CSMD1: variants seen among roughly 807,000 people sequenced by gnomAD.
The protein encoded by CSMD1 is CUB and sushi domain-containing protein 1.
A neutral mutation model predicts 417.5 loss-of-function variants in CSMD1; 213 were observed. The ratio of observed to expected loss-of-function variants is 0.51; its 90% CI spans 0.46 to 0.57. The LOEUF is 0.57. CSMD1 is among the 20% of genes least tolerant of loss of function. The pLI, the probability that CSMD1 is intolerant of heterozygous loss-of-function variation, is 0.00. For missense variants in CSMD1, 6,923 were observed against 4,529.7 expected, an observed-to-expected ratio of 1.53 and a Z score of -15.17; for synonymous variants, 2,862 against 1,736.8, an observed-to-expected ratio of 1.65 and a Z score of -16.11.
chr8:3,437,105 T>G (rs896747275), intron 12 of CSMD1, among the ~76,000 whole-genome samples: 7 of 152,158 alleles, frequency 4.6e-5, no homozygotes, highest in African/African-American at 1.4e-4. Context: ...AAGTGCAAAC[T>G]CATTTTCTTT....
intron 5 of CSMD1, among the ~76,000 whole-genome samples, chr8:3,857,929 C>T (rs775463160): frequency 6.6e-6 from 1 of 152,198 alleles, no homozygotes. Context: ...TGGCTTCCAG[C>T]CAATCAAATA....
chr8:3,264,400 C>T (rs962187817), intron 26 of CSMD1, among the ~76,000 whole-genome samples: 2 of 152,044 alleles, frequency 1.3e-5, no homozygotes, highest in Non-Finnish European at 1.5e-5. Context: ...GTCAAAATTC[C>T]ACTCGCTATG....
chr8:3,440,891 G>A (rs1482652319), intron 12 of CSMD1, among the ~76,000 whole-genome samples: 2 of 152,160 alleles, frequency 1.3e-5, no homozygotes, highest in African/African-American at 2.4e-5. Context: ...CTTGATGGTG[G>A]CCCCCGATAA....
intron 2 of CSMD1, among the ~76,000 whole-genome samples, chr8:4,499,083 A>G (rs1333796668): frequency 1.3e-5 from 2 of 152,222 alleles, no homozygotes; most frequent in African/African-American, 2.4e-5. Context: ...GCTAAAGGAC[A>G]CAGAAATGAA....
chr8:3,900,569 C>G (rs1807676765), intron 5 of CSMD1, among the ~76,000 whole-genome samples: 2 of 150,396 alleles, frequency 1.3e-5, no homozygotes, highest in African/African-American at 4.9e-5. Flanking sequence ...ATGGGTGATA[C>G]TGTAGCTGGA....
chr8:3,872,962 T>C (rs1805579705), intron 5 of CSMD1, among the ~76,000 whole-genome samples: 1 of 151,612 alleles, frequency 6.6e-6, no homozygotes, highest in Non-Finnish European at 1.5e-5. Flanking sequence ...AAGCTCAACA[T>C]CACTGATCAT....
intron 1 of CSMD1, among the ~76,000 whole-genome samples, chr8:4,977,343 C>G (rs957044193): frequency 6.6e-6 from 1 of 152,114 alleles, no homozygotes; most frequent in Non-Finnish European, 1.5e-5. Flanking sequence ...GAAAACGCAG[C>G]AGCACTTACC....
chr8:4,312,167 T>G (rs1314640712), intron 3 of CSMD1, among the ~76,000 whole-genome samples: 1 of 152,040 alleles, frequency 6.6e-6, no homozygotes, highest in Non-Finnish European at 1.5e-5. Context: ...CCTACGTGCA[T>G]TTAGTCAGAA....
At chr8:4,388,323 C>G (rs1432066009) in intron 3 of CSMD1, among the ~76,000 whole-genome samples, 5 of 147,586 alleles carry the variant, frequency 3.4e-5, no homozygotes, top group Admixed American at 6.7e-5. Flanking sequence ...CACACACAGA[C>G]ACACACACAC....
intron 3 of CSMD1, among the ~76,000 whole-genome samples, chr8:4,284,679 T>C (rs1190795095): frequency 2.6e-5 from 4 of 152,062 alleles, no homozygotes; most frequent in Non-Finnish European, 5.9e-5. Flanking sequence ...ACAACACTCT[T>C]GACAGATATA....
rs1796852417 is a variant in CSMD1 at position 3,506,956 on chromosome 8, T to C, written c.1345-13230A>G. 3.3e-5 allele frequency among the ~76,000 whole-genome samples: 5 copies of C among 152,322 alleles called. No individual in the cohort carries two copies. The South Asian group carries it at 1.0e-3, about 32-fold the overall frequency. ...GTGTTGATGTTCACACTTAACTAAT[T>C]TAGGAAGTTTTGCTTATCTTTGATA... On this transcript the variant is annotated intron_variant, in intron 10 of 69. Transcript: ENST00000635120.
intron 3 of CSMD1, among the ~76,000 whole-genome samples, chr8:4,145,291 T>C (rs1179609438): frequency 1.3e-5 from 2 of 151,126 alleles, no homozygotes; most frequent in Non-Finnish European, 2.9e-5. Flanking sequence ...CAATGCTTTC[T>C]TGTTGAGAAC....
intron 5 of CSMD1, among the ~76,000 whole-genome samples, chr8:3,882,529 T>A (rs76522139): frequency 8.7e-4 from 133 of 152,280 alleles, no homozygotes; most frequent in African/African-American, 3.0e-3. Context: ...ATGCATACAC[T>A]GTGAGTGGAC....
chr8:3,467,569 G>A (rs1296043945), intron 12 of CSMD1, among the ~76,000 whole-genome samples: 1 of 152,130 alleles, frequency 6.6e-6, no homozygotes, highest in East Asian at 1.9e-4. Context: ...TATTCACAAG[G>A]GTCATTAAGT....
rs1269232180 is a variant in CSMD1, at chr8:4,960,833, C to G, written c.85+33499G>C. On this transcript the variant is annotated intron_variant, in intron 1 of 69. Coordinates refer to ENST00000635120, the MANE Select transcript of CSMD1 (RefSeq NM_033225.6). ...GTAAAACTATTTTATCAAATGAATT[C>G]ATTTACATCATAAGTTATATAATAA... 3.9e-5 allele frequency among the ~76,000 whole-genome samples: 6 copies of G among 152,066 alleles called. No homozygotes were observed. The East Asian group carries it at 1.2e-3, about 29-fold the overall frequency.
At chr8:4,170,154 T>C (rs1353542486) in intron 3 of CSMD1, among the ~76,000 whole-genome samples, 4 of 151,806 alleles carry the variant, frequency 2.6e-5, no homozygotes, top group Non-Finnish European at 5.9e-5. Flanking sequence ...TACCCAAACC[T>C]CCTTGTTGAT....
intron 10 of CSMD1, among the ~76,000 whole-genome samples, chr8:3,570,063 G>C (rs1379557461): frequency 6.6e-6 from 1 of 152,170 alleles, no homozygotes; most frequent in East Asian, 1.9e-4. Context: ...AAGGAGAGAA[G>C]AGAATTGTAT....
intron 2 of CSMD1, among the ~76,000 whole-genome samples, chr8:4,562,291 C>A (rs922953077): frequency 6.6e-6 from 1 of 152,130 alleles, no homozygotes; most frequent in Admixed American, 6.5e-5. Flanking sequence ...GGACAACCTG[C>A]TGGAGTGGAG....
intron 3 of CSMD1, among the ~76,000 whole-genome samples, chr8:4,129,410 T>A (rs528363451): frequency 1.3e-3 from 191 of 152,260 alleles, no homozygotes; most frequent in African/African-American, 4.4e-3. Flanking sequence ...TCTCCTTTCT[T>A]GGCTAATTTC....
Sources: gnomAD v4.1 joint callset for allele counts (sites outside exome capture counted in the v4.1 genomes callset) on GRCh38, gnomAD v4.1.1 for gene constraint, MANE v1.5 for transcripts, NCBI Gene and HGNC (gene_info 2026-07-23, HGNC 2026-07-21) for gene names.